SLC6A6: variants seen among roughly 807,000 people sequenced by gnomAD.
The protein encoded by SLC6A6 is sodium- and chloride-dependent taurine transporter.
SLC6A6 carries 16 observed loss-of-function variants against 68.8 expected under a neutral mutation model. The ratio of observed to expected loss-of-function variants is 0.23; its 90% confidence interval spans 0.16 to 0.35. The LOEUF (loss-of-function observed/expected upper bound fraction) is 0.35, where lower values mean the gene tolerates loss of function less well. Among genes scored for constraint, SLC6A6 ranks in the 10% least tolerant of loss-of-function variants. The pLI is 1.00. For synonymous variants in SLC6A6, 312 were observed against 315.4 expected, an observed-to-expected ratio of 0.99 and a Z score of 0.12; for missense variants, 474 against 802.8, an observed-to-expected ratio of 0.59 and a Z score of 4.95.
chr3:14,448,102 G>A, intron 5 of SLC6A6: 1 of 1,145,320 alleles, frequency 8.7e-7, no homozygotes, highest in Non-Finnish European at 1.1e-6. Context: ...TGTGAGGCAG[G>A]TATGCATACT....
intron 2 of SLC6A6, among the ~76,000 whole-genome samples, chr3:14,420,778 C>G (rs2124910952): frequency 6.6e-6 from 1 of 152,284 alleles, no homozygotes; most frequent in East Asian, 1.9e-4. Flanking sequence ...GCCACCGCGC[C>G]CAGCCTCTAT....
chr3:14,477,053 A>G lies in SLC6A6; in HGVS notation c.1210-152A>G, dbSNP rs1700894864. ...GCACAGTCAGGGAGGCCAGGCTTCCACACTTGGACTTGATCTCACAGGCCA... is the reference window on the plus strand; with the variant it reads ...GCACAGTCAGGGAGGCCAGGCTTCCGCACTTGGACTTGATCTCACAGGCCA... On this transcript the variant is annotated intron_variant, in intron 10 of 14. Coordinates refer to ENST00000622186, the MANE Select transcript of SLC6A6 (RefSeq NM_003043.6). This position sits in a 1 kb window ranked among gnomAD's most constrained non-coding sequence, Gnocchi z 4.2. 3 of 676,988 alleles carry G rather than the reference A, an allele frequency of 4.4e-6. No individual in the cohort carries two copies. The highest frequency in any genetic ancestry group is 7.5e-6 in the Non-Finnish European group (3 of 399,564). The allele number at this position is 676,988 out of a possible 1,614,324, so 41.9% of individuals were successfully genotyped here. A position where few individuals can be genotyped will look rare whatever the true frequency, so the allele number is the denominator to read the frequency against.
Position 14,418,568 on chromosome 3 carries a change from G to A in SLC6A6, c.-12+2115G>A, listed in dbSNP as rs1466978165. 7.2e-5 allele frequency among the ~76,000 whole-genome samples: 11 copies of A among 152,162 alleles called. No homozygotes were observed. In the East Asian group the frequency reaches 7.7e-4, roughly 11 times the overall value. On this transcript the variant is annotated intron_variant, in intron 2 of 14. Coordinates refer to ENST00000622186, the MANE Select transcript of SLC6A6 (RefSeq NM_003043.6). ...AGGCGTCATCATAATAGTTATAGAC[G>A]TCAATAATAATGATTGCTACCGCTT... is the stretch of plus-strand genomic sequence containing the variant.
In SLC6A6 at chr3:14,489,046, C is replaced by T. The variant is rs1032940484; in HGVS notation, c.*4039C>T. On this transcript the variant is annotated 3_prime_UTR_variant, in exon 15 of 15. Transcript: ENST00000622186. ...GGCTCATCAGGACATTTTTTTAAAA[C>T]TTCAAAATATTTTTAAGATATTTTA... 1 of 152,032 alleles carries T rather than the reference C, an allele frequency of 6.6e-6. No individual in the cohort carries two copies. The allele number at this position is 152,032 out of a possible 1,614,324, so 9.4% of individuals were successfully genotyped here. A position where few individuals can be genotyped will look rare whatever the true frequency, so the allele number is the denominator to read the frequency against.
intron 2 of SLC6A6, among the ~76,000 whole-genome samples, chr3:14,442,387 C>T (rs912189041): frequency 1.3e-5 from 2 of 152,170 alleles, no homozygotes; most frequent in Non-Finnish European, 2.9e-5. Context: ...GGCGAGTAGG[C>T]CTAGTAGCTC....
At chr3:14,446,237 A>G (rs1700117940) in intron 4 of SLC6A6, among the ~76,000 whole-genome samples, 1 of 152,254 alleles carries the variant, frequency 6.6e-6, no homozygotes, top group Admixed American at 6.5e-5. Context: ...ATGCAGCCAT[A>G]AAGAATAGCA....
chr3:14,483,708 T>C (rs1016376782), intron 14 of SLC6A6, among the ~76,000 whole-genome samples: 2 of 152,090 alleles, frequency 1.3e-5, no homozygotes, highest in Non-Finnish European at 2.9e-5. Flanking sequence ...ACAAAAAAAA[T>C]AGAGACAGGG....
chr3:14,467,915 C>G lies in SLC6A6; in HGVS notation c.930C>G (p.Thr310=), dbSNP rs1214551435. Residue 310 remains threonine (T), a synonymous_variant, in exon 8 of 15, where the codon ACC becomes ACG. Transcript: ENST00000622186. ...ATGCCATCTGCCTGGGGGCTATGAC[C>G]TCGCTGGGGAGCTACAACAAGTACA... ...FSYAICLGAM[T]SLGSYNKYKY... 6.2e-7 allele frequency: 1 copy of G among 1,613,932 alleles called. No individual in the cohort carries two copies. The highest frequency in any genetic ancestry group is 2.2e-5 in the East Asian group (1 of 44,882).
intron 10 of SLC6A6, among the ~76,000 whole-genome samples, chr3:14,474,847 T>C (rs1031852144): frequency 2.0e-5 from 3 of 152,238 alleles, no homozygotes; most frequent in Non-Finnish European, 2.9e-5. Flanking sequence ...GCTGATGTTA[T>C]TGCGTCCTGG....
chr3:14,466,138 C>T (rs543900666), intron 6 of SLC6A6, among the ~76,000 whole-genome samples: 12 of 151,812 alleles, frequency 7.9e-5, no homozygotes, highest in Admixed American at 2.0e-4. Context: ...GGTGGGCACC[C>T]GTAATCCCAG....
At chr3:14,410,667 T>C (rs1012965276) in intron 1 of SLC6A6, among the ~76,000 whole-genome samples, 4 of 152,192 alleles carry the variant, frequency 2.6e-5, no homozygotes, top group African/African-American at 9.7e-5. Context: ...TCACATCGGG[T>C]CCTTGCCGAC....
chr3:14,414,780 C>G (rs1699327913), intron 1 of SLC6A6, among the ~76,000 whole-genome samples: 1 of 152,206 alleles, frequency 6.6e-6, no homozygotes, highest in African/African-American at 2.4e-5. Context: ...CCTTCTGCCT[C>G]AGCCTCCAAG....
chr3:14,437,589 C>T (rs1699886333), intron 2 of SLC6A6, among the ~76,000 whole-genome samples: 2 of 152,194 alleles, frequency 1.3e-5, no homozygotes, highest in South Asian at 2.1e-4. Context: ...CGTATCACCT[C>T]GCTTCCTAAG....
chr3:14,428,640 G>A (rs1305027259), intron 2 of SLC6A6, among the ~76,000 whole-genome samples: 1 of 152,184 alleles, frequency 6.6e-6, no homozygotes, highest in Non-Finnish European at 1.5e-5. Context: ...GGGGCCCTGT[G>A]TGCAGGTGTG....
rs902519988 is a variant in SLC6A6 at position 14,472,703 on chromosome 3, G to A, written c.1209+386G>A. On this transcript the variant is annotated intron_variant, in intron 10 of 14. Transcript: ENST00000622186. This position sits in a 1 kb window ranked among gnomAD's most constrained non-coding sequence, Gnocchi z 4.5. Reference sequence around the variant, plus strand: ...ATAAGTCATGATGTGCTCCAGTGGAGCGTCGGCGGGGCACAGGAGGACATG... The same window carrying A: ...ATAAGTCATGATGTGCTCCAGTGGAACGTCGGCGGGGCACAGGAGGACATG... Among the ~76,000 whole-genome samples the A allele has an allele frequency of 2.6e-5, 4 of 152,190 alleles. No homozygotes were observed. Among genetic ancestry groups the A allele is most frequent in the Admixed American group, 6.5e-5 (1 of 15,286 alleles).
intron 13 of SLC6A6, among the ~76,000 whole-genome samples, chr3:14,480,325 G>A (rs978519248): frequency 2.0e-4 from 31 of 152,198 alleles, no homozygotes; most frequent in African/African-American, 7.5e-4. Flanking sequence ...CTGGTTTAAT[G>A]TTTGCTTGTG....
chr3:14,434,275 G>A (rs1699801014), intron 2 of SLC6A6, among the ~76,000 whole-genome samples: 1 of 152,218 alleles, frequency 6.6e-6, no homozygotes, highest in South Asian at 2.1e-4. Context: ...AAGTGAGTGA[G>A]TTGGTGTCTG....
At chr3:14,454,106 G>T (rs80190578) in intron 5 of SLC6A6, among the ~76,000 whole-genome samples, 3 of 152,244 alleles carry the variant, frequency 2.0e-5, no homozygotes, top group African/African-American at 4.8e-5. Context: ...CAGAAGGGCC[G>T]TGTTGGCCGG....
intron 2 of SLC6A6, among the ~76,000 whole-genome samples, chr3:14,440,369 G>A (rs1699954417): frequency 6.6e-6 from 1 of 152,078 alleles, no homozygotes; most frequent in Non-Finnish European, 1.5e-5. Context: ...CAGCCAGTGG[G>A]GAAGGTTCAG....
Sources: allele counts gnomAD v4.1 joint callset (sites outside exome capture counted in the v4.1 genomes callset), GRCh38; gene constraint gnomAD v4.1.1; non-coding constraint Gnocchi (gnomAD v3.1); transcripts MANE v1.5; gene names NCBI Gene and HGNC (gene_info 2026-07-23, HGNC 2026-07-21).